MYOM1: variants seen among roughly 807,000 people sequenced by gnomAD.
MYOM1 encodes the protein myomesin-1.
Under a neutral mutation model 205.3 loss-of-function variants are expected in MYOM1, and 164 were observed. The observed-to-expected ratio is 0.80, with a 90% CI of 0.70 to 0.91. MYOM1 has a LOEUF of 0.91. Ranked by LOEUF, MYOM1 falls within the 40% of genes least tolerant of loss-of-function variation. The pLI, the probability that MYOM1 is intolerant of heterozygous loss-of-function variation, is 0.00. For synonymous variants in MYOM1, 772 were observed against 789.4 expected (o/e 0.98, Z 0.37); for missense variants, 2,011 against 2,127.3 (o/e 0.95, Z 1.08).
At chr18:3,166,067 T>C (rs2080464724) in intron 9 of MYOM1, among the ~76,000 whole-genome samples, 1 of 152,164 alleles carries the variant, frequency 6.6e-6, no homozygotes, top group Non-Finnish European at 1.5e-5. Context: ...ATCATGTGCA[T>C]GTGCCATAGT....
chr18:3,112,863 T>A (rs1372289418), intron 21 of MYOM1, among the ~76,000 whole-genome samples: 1 of 152,146 alleles, frequency 6.6e-6, no homozygotes, highest in African/African-American at 2.4e-5. Context: ...AAGAGGAGAA[T>A]TAAAAGCATG....
intron 36 of MYOM1, among the ~76,000 whole-genome samples, chr18:3,073,070 C>T (rs935444663): frequency 1.6e-4 from 23 of 148,370 alleles, no homozygotes; most frequent in African/African-American, 5.2e-4. Flanking sequence ...GCCTTGGCTT[C>T]CCAAAGTGTT....
At chr18:3,188,382 C>T (rs111713949) in intron 4 of MYOM1, among the ~76,000 whole-genome samples, 13,622 of 151,522 alleles carry the variant, frequency 0.09, 877 homozygotes, top group African/African-American at 0.18. Context: ...TTGGGGAGGC[C>T]GAGGTGGGTG....
At chr18:3,206,895 G>T (rs2081129993) in intron 2 of MYOM1, among the ~76,000 whole-genome samples, 1 of 151,976 alleles carries the variant, frequency 6.6e-6, no homozygotes, top group Non-Finnish European at 1.5e-5. Context: ...ATATTATGAT[G>T]TCAAAATAAA....
rs778589090 is a variant in MYOM1 at position 3,179,467 on chromosome 18, A to C, written c.930-3333T>G. Among the ~76,000 whole-genome samples, 16 of 152,178 alleles carry C rather than the reference A, an allele frequency of 1.1e-4. No homozygotes were observed. The highest frequency in any genetic ancestry group is 3.1e-4 in the African/African-American group (13 of 41,448). ...AGCCTCCCAAAGTTGGATGATTTTAAATAAATGCACACGAAGAAAGTAAGT... is the reference window on the plus strand; with the variant it reads ...AGCCTCCCAAAGTTGGATGATTTTACATAAATGCACACGAAGAAAGTAAGT... On this transcript the variant is annotated intron_variant, in intron 5 of 37. Transcript: ENST00000356443. This position sits in a 1 kb window ranked among gnomAD's most constrained non-coding sequence, Gnocchi z 4.4.
At chr18:3,078,782 G>A (rs1427494641) in intron 34 of MYOM1, among the ~76,000 whole-genome samples, 1 of 152,032 alleles carries the variant, frequency 6.6e-6, no homozygotes, top group African/African-American at 2.4e-5. Context: ...TTCTGGGAAA[G>A]GGATAAATGG....
At chr18:3,119,745 G>A in intron 20 of MYOM1, 124 bp downstream of exon 20, 1 of 1,227,934 alleles carries the variant, frequency 8.1e-7, no homozygotes, top group Non-Finnish European at 1.1e-6. Flanking sequence ...GTAAACACAA[G>A]GGGCCAAGAG....
chr18:3,192,245 T>G (rs1248797092), intron 3 of MYOM1, among the ~76,000 whole-genome samples: 1 of 152,164 alleles, frequency 6.6e-6, no homozygotes, highest in Non-Finnish European at 1.5e-5. Flanking sequence ...GCCTACCATC[T>G]CTTATAAGGA....
chr18:3,142,842 GT>G (rs1286211074), intron 13 of MYOM1, among the ~76,000 whole-genome samples: 1 of 152,190 alleles, frequency 6.6e-6, no homozygotes, highest in Non-Finnish European at 1.5e-5. Context: ...TGAGTTTATA[GT>G]TTTAGTAAAG....
chr18:3,212,253 A>G (rs2081199512), intron 2 of MYOM1, among the ~76,000 whole-genome samples: 1 of 152,218 alleles, frequency 6.6e-6, no homozygotes, highest in Admixed American at 6.5e-5. Context: ...ATACCTACCT[A>G]CAAAAATATA....
At chr18:3,223,063 G>A (rs1457197257), upstream of MYOM1, among the ~76,000 whole-genome samples, 2 of 151,970 alleles carry the variant, frequency 1.3e-5, no homozygotes, top group African/African-American at 2.4e-5. Flanking sequence ...TTGTACTTTT[G>A]TAGAGATGGG....
chr18:3,149,170 G>A lies in MYOM1; in HGVS notation c.1875C>T (p.Ile625=), dbSNP rs1204243828. ...SRPSAPWTGQ[I]IVTEEEPSEG... ...CTGAAGGTTCCTCTTCAGTAACAAT[G>A]ATCTGTCCAGTCCAGGGTGCTGAGG... Residue 625 remains isoleucine, a synonymous_variant, in exon 13 of 38, where the codon ATC becomes ATT. Coordinates refer to ENST00000356443, the MANE Select transcript of MYOM1 (RefSeq NM_003803.4). The A allele has an allele frequency of 1.9e-6, 3 of 1,613,882 alleles. No homozygotes were observed. Among genetic ancestry groups the A allele is most frequent in the East Asian group, 4.5e-5 (2 of 44,882 alleles).
In MYOM1 at chr18:3,131,452, C is replaced by T. The variant is rs368529890; in HGVS notation, c.2429G>A (p.Arg810Gln). 3.4e-5 allele frequency: 55 copies of T among 1,613,472 alleles called. No homozygotes were observed. The highest frequency in any genetic ancestry group is 6.6e-5 in the South Asian group (6 of 91,068). ...GLVTGQSYIF[R>Q]VRAVNAAGLS... is the part of the protein sequence containing the mutation. ...TCCAGCTGCATTGACTGCTCTGACC[C>T]GGAAAATATAACTCTGACCAGTCAC... The change falls in exon 17 of 38, where the codon CGG becomes CAG. Residue 810 changes from arginine to glutamine, a missense_variant. Arg to Gln is a conservative substitution (Grantham distance 43). Transcript: ENST00000356443.
chr18:3,160,197 C>G (rs1295752879), intron 10 of MYOM1, among the ~76,000 whole-genome samples: 1 of 134,554 alleles, frequency 7.4e-6, no homozygotes, highest in East Asian at 2.1e-4. Context: ...TTTTTTCTTT[C>G]TTTTTTTTGA....
At chr18:3,148,418 T>C (rs2080160949) in intron 13 of MYOM1, among the ~76,000 whole-genome samples, 1 of 152,134 alleles carries the variant, frequency 6.6e-6, no homozygotes, top group Non-Finnish European at 1.5e-5. Context: ...ATTCAACTGA[T>C]CTACAATTGT....
Position 3,090,764 on chromosome 18 carries a change from G to A in MYOM1, c.3903C>T (p.Ile1301=), listed in dbSNP as rs2079215641. The A allele has an allele frequency of 5.6e-6, 9 of 1,613,902 alleles. No homozygotes were observed. Among genetic ancestry groups the A allele is most frequent in the Non-Finnish European group, 7.6e-6 (9 of 1,179,862 alleles). ...KMHIDRNTGI[I]EMFMEKLQDE... ...CCTGTAGCTTTTCCATGAACATTTC[G>A]ATGATGCCAGTGTTTCGGTCAATAT... is the stretch of plus-strand genomic sequence containing the variant. The change falls in exon 27 of 38, where the codon ATC becomes ATT. Residue 1301 remains isoleucine, a synonymous_variant. Transcript: ENST00000356443.
intron 20 of MYOM1, 35 bp from the exon 21 acceptor site, chr18:3,116,550 A>C (rs1370809278): frequency 1.3e-6 from 2 of 1,486,712 alleles, no homozygotes; most frequent in East Asian, 4.6e-5. Context: ...TAGAAATCAT[A>C]ACAGAGAAAA....
At chr18:3,088,566 C>T (rs964191374) in intron 29 of MYOM1, among the ~76,000 whole-genome samples, 28 of 152,258 alleles carry the variant, frequency 1.8e-4, no homozygotes, top group Admixed American at 1.6e-3. Context: ...AGGACCTTCA[C>T]GCTCCAACCT....
chr18:3,155,282 T>C (rs928403035), intron 10 of MYOM1, among the ~76,000 whole-genome samples, 194 bp from the exon 11 acceptor site: 66 of 152,188 alleles, frequency 4.3e-4, no homozygotes, highest in Non-Finnish European at 5.6e-4. Flanking sequence ...AGGGCAGAGG[T>C]GGGATCTCAG....
Sources: allele counts gnomAD v4.1 joint callset (sites outside exome capture counted in the v4.1 genomes callset), GRCh38; gene constraint gnomAD v4.1.1; non-coding constraint Gnocchi (gnomAD v3.1); transcripts MANE v1.5; gene names NCBI Gene and HGNC (gene_info 2026-07-23, HGNC 2026-07-21).